Variants in PCLAF observed in about 807,000 individuals in gnomAD.
PCLAF encodes PCNA-associated factor.
PCLAF carries 12 observed loss-of-function variants against 15.1 expected under a neutral mutation model. The observed-to-expected ratio is 0.79, with a 90% CI of 0.51 to 1.29. The LOEUF is 1.29. Among genes scored for constraint, PCLAF ranks in the 50% most tolerant of loss-of-function variants. The pLI, the probability that PCLAF is intolerant of heterozygous loss-of-function variation, is 0.00. For missense variants in PCLAF, 116 were observed against 130.9 expected, an observed-to-expected ratio of 0.89 and a Z score of 0.56; for synonymous variants, 33 against 47.1, an observed-to-expected ratio of 0.70 and a Z score of 1.22.
chr15:64,387,641 A>T, exon 1 of PCLAF: 1 of 1,414,200 alleles, frequency 7.1e-7, no homozygotes, highest in Non-Finnish European at 9.2e-7. Flanking sequence ...GGCAAGAATC[A>T]TGCACTGACA....
upstream of PCLAF, chr15:64,383,086 CA>C (rs1211355696): frequency 1.3e-5 from 2 of 153,962 alleles, no homozygotes; most frequent in African/African-American, 4.8e-5. Flanking sequence ...AGTGTAAACA[CA>C]GCATTAATTC....
intron 2 of PCLAF, among the ~76,000 whole-genome samples, chr15:64,377,811 G>A (rs1273989756): frequency 7.4e-6 from 1 of 134,254 alleles, no homozygotes; most frequent in Non-Finnish European, 1.6e-5. Context: ...GAGTGCAGTG[G>A]CGCAATCTTG....
Position 64,370,243 on chromosome 15 carries a change from AT to A in PCLAF, c.291-4169del, listed in dbSNP as rs879858578. Reference sequence around the variant, plus strand: ...AGGTGTGCGCCACCATGCCCACCTAATTTTTTTTTTTTTTTTTTTTTGTGTA... The same window carrying A: ...AGGTGTGCGCCACCATGCCCACCTAATTTTTTTTTTTTTTTTTTTTGTGTA... On this transcript the variant is annotated intron_variant, in intron 3 of 3. Transcript: ENST00000300035. 4.1e-3 allele frequency among the ~76,000 whole-genome samples: 584 copies of A among 141,772 alleles called. 4 individuals are homozygous for A. The highest frequency in any genetic ancestry group is 9.2e-3 in the African/African-American group (345 of 37,660). The allele number at this position is 141,772 out of a possible 152,430, so 93.0% of individuals were successfully genotyped here.
chr15:64,379,218 T>C (rs1381389535), intron 2 of PCLAF, among the ~76,000 whole-genome samples: 2 of 152,120 alleles, frequency 1.3e-5, no homozygotes, highest in Non-Finnish European at 1.5e-5. Flanking sequence ...GGCTCACGTC[T>C]GTAATCCCAG....
chr15:64,381,024 C>T lies in PCLAF; in HGVS notation c.61G>A (p.Ala21Thr). 6.2e-7 allele frequency: 1 copy of T among 1,614,060 alleles called. No individual in the cohort carries two copies. Among genetic ancestry groups the T allele is most frequent in the Non-Finnish European group, 8.5e-7 (1 of 1,180,008 alleles). The change falls in exon 2 of 4, where the codon GCC becomes ACC. Residue 21 changes from alanine (A) to threonine (T), a missense_variant. By Grantham distance (58) the Ala-to-Thr change is moderately conservative. Coordinates refer to ENST00000300035, the MANE Select transcript of PCLAF (RefSeq NM_014736.6). ...GTYRKVVAAR[A>T]PRKVLGSSTS... The stretch of plus-strand genomic sequence containing the variant: ...GAAGAACCAAGCACCTTTCTGGGGG[C>T]TCGAGCAGCCACCACTGTGAAGAGA...
At chr15:64,373,175 GT>G (rs1174917123) in intron 3 of PCLAF, 1 of 152,214 alleles carries the variant, frequency 6.6e-6, no homozygotes, top group Non-Finnish European at 1.5e-5. Context: ...TTACAGCCTT[GT>G]AGATTTAACA....
upstream of PCLAF, among the ~76,000 whole-genome samples, chr15:64,385,765 C>G (rs1899920822): frequency 6.6e-6 from 1 of 152,104 alleles, no homozygotes; most frequent in Non-Finnish European, 1.5e-5. Flanking sequence ...CAGATCTGCT[C>G]TCAATGTGAG....
At chr15:64,369,132 T>C (rs886355818) in intron 3 of PCLAF, among the ~76,000 whole-genome samples, 24 of 151,730 alleles carry the variant, frequency 1.6e-4, no homozygotes, top group Non-Finnish European at 2.2e-4. Context: ...GAAGCTGAGG[T>C]GTTAGGATTG....
At chr15:64,368,387 T>G (rs1899138574) in intron 3 of PCLAF, among the ~76,000 whole-genome samples, 1 of 152,168 alleles carries the variant, frequency 6.6e-6, no homozygotes, top group Non-Finnish European at 1.5e-5. Context: ...CTTCATTGTA[T>G]TTTCCTGGAA....
chr15:64,367,176 G>C (rs1899069866), intron 3 of PCLAF, among the ~76,000 whole-genome samples: 5 of 151,938 alleles, frequency 3.3e-5, no homozygotes, highest in Admixed American at 3.3e-4. Context: ...TGTTAGCATA[G>C]AATAGTTGTA....
intron 3 of PCLAF, among the ~76,000 whole-genome samples, chr15:64,374,456 G>A (rs1899506907): frequency 6.6e-6 from 1 of 151,944 alleles, no homozygotes; most frequent in Non-Finnish European, 1.5e-5. Context: ...GGAGACTGGT[G>A]TGAACCCGGG....
chr15:64,381,288 A>G (rs1596328371), intron 1 of PCLAF, 38 bp downstream of exon 1: 1 of 1,602,782 alleles, frequency 6.2e-7, no homozygotes, highest in Non-Finnish European at 8.5e-7. Context: ...TGCCGGGAGG[A>G]CCCCCCCGCC....
chr15:64,384,570 C>A, upstream of PCLAF, among the ~76,000 whole-genome samples: 1 of 150,734 alleles, frequency 6.6e-6, no homozygotes, highest in Non-Finnish European at 1.5e-5. Context: ...TGGTGAAACC[C>A]CATCTCTACA....
At chr15:64,366,993 TG>T (rs1305063885) in intron 3 of PCLAF, among the ~76,000 whole-genome samples, 1 of 149,916 alleles carries the variant, frequency 6.7e-6, no homozygotes, top group Non-Finnish European at 1.5e-5. Context: ...TAGTTGGTCG[TG>T]GTGGCACATC....
At chr15:64,370,362 G>A (rs1052227615) in intron 3 of PCLAF, among the ~76,000 whole-genome samples, 1 of 150,480 alleles carries the variant, frequency 6.6e-6, no homozygotes, top group Non-Finnish European at 1.5e-5. Context: ...GCCTCATGGA[G>A]TACGTATTTC....
At chr15:64,373,780 T>C (rs1899463309) in intron 3 of PCLAF, 1 of 1,535,164 alleles carries the variant, frequency 6.5e-7, no homozygotes, top group Non-Finnish European at 8.7e-7. Context: ...GCAGGGGAGA[T>C]AGCAAGTAGG....
At chr15:64,369,771 TTG>T (rs779934187) in intron 3 of PCLAF, among the ~76,000 whole-genome samples, 1 of 152,184 alleles carries the variant, frequency 6.6e-6, no homozygotes, top group Non-Finnish European at 1.5e-5. Context: ...GTCAAATACT[TTG>T]TTTTAATTAC....
rs1046706594 is a variant in PCLAF, at chr15:64,387,419, T to A, written n.241+28A>T. ...TAAATTAATTAATTAATTAAAAAAT[T>A]AAAACCACCACCAGAGCAAAAACTT... is the stretch of plus-strand genomic sequence containing the variant. On this transcript the variant is annotated intron_variant and non_coding_transcript_variant, in intron 1 of 1. Coordinates refer to the PCLAF transcript ENST00000558250. The A allele has an allele frequency of 6.1e-6, 7 of 1,142,738 alleles. No individual in the cohort carries two copies. In the African/African-American group the frequency reaches 1.2e-4, roughly 19 times the overall value. The allele number at this position is 1,142,738 out of a possible 1,614,324, so 70.8% of individuals were successfully genotyped here. A position where few individuals can be genotyped will look rare whatever the true frequency, so the allele number is the denominator to read the frequency against.
intron 3 of PCLAF, among the ~76,000 whole-genome samples, chr15:64,374,082 T>C (rs1031413462): frequency 6.6e-6 from 1 of 152,236 alleles, no homozygotes; most frequent in Admixed American, 6.5e-5. Flanking sequence ...AAGAGGTTTT[T>C]ACCCAGAGAT....
Sources: gnomAD v4.1 joint callset for allele counts (sites outside exome capture counted in the v4.1 genomes callset) on GRCh38, gnomAD v4.1.1 for gene constraint, MANE v1.5 for transcripts, NCBI Gene and HGNC (gene_info 2026-07-23, HGNC 2026-07-21) for gene names.